Variants in CAST observed in about 807,000 individuals in gnomAD.
CAST encodes the protein MIR583 host.
Under a neutral mutation model 119.6 loss-of-function variants are expected in CAST, and 76 were observed. That is an observed-to-expected ratio of 0.64 (90% confidence interval 0.53 to 0.77). The LOEUF (loss-of-function observed/expected upper bound fraction) is 0.77, where lower values mean the gene tolerates loss of function less well. CAST is among the 30% of genes least tolerant of loss of function. The probability of loss-of-function intolerance (pLI) is 0.00; values close to 1 mark genes in which losing one functional copy is unlikely to be tolerated. For synonymous variants in CAST, 319 were observed against 331.6 expected, an observed-to-expected ratio of 0.96 and a Z score of 0.41; for missense variants, 953 against 946.5, an observed-to-expected ratio of 1.01 and a Z score of -0.09.
the CAST span, among the ~76,000 whole-genome samples, chr5:96,440,610 G>T: frequency 2.0e-5 from 3 of 152,022 alleles, no homozygotes; most frequent in Non-Finnish European, 4.4e-5. Flanking sequence ...GGGTGAGGGG[G>T]TCCGTTTAAG....
At chr5:96,539,945 T>C (rs1745882316) in intron 1 of CAST, among the ~76,000 whole-genome samples, 1 of 152,172 alleles carries the variant, frequency 6.6e-6, no homozygotes. Flanking sequence ...ATTATTTACA[T>C]GATTTTATTT....
chr5:96,642,468 A>G (rs1191017798), intron 1 of CAST, among the ~76,000 whole-genome samples: 2 of 152,284 alleles, frequency 1.3e-5, no homozygotes, highest in African/African-American at 4.8e-5. Context: ...AGAACTGTTT[A>G]AACACTTTGT....
At chr5:96,202,287 G>T in the CAST span, among the ~76,000 whole-genome samples, 42 of 151,806 alleles carry the variant, frequency 2.8e-4, 1 homozygote, top group Non-Finnish European at 1.5e-5. Context: ...ACATATAAAG[G>T]GTATGATAGA....
chr5:96,375,200 A>C, the CAST span, among the ~76,000 whole-genome samples: 40,318 of 152,056 alleles, frequency 0.27, 5,431 homozygotes, highest in South Asian at 0.32. Flanking sequence ...GGATGTGAAC[A>C]CAGAATAAAA....
the CAST span, among the ~76,000 whole-genome samples, chr5:96,258,654 G>C: frequency 6.6e-6 from 1 of 152,086 alleles, no homozygotes; most frequent in Non-Finnish European, 1.5e-5. Flanking sequence ...TGACATTTGG[G>C]TCCTACAGTT....
the CAST span, among the ~76,000 whole-genome samples, chr5:96,011,911 T>G: frequency 5.4e-4 from 83 of 152,298 alleles, no homozygotes; most frequent in Admixed American, 1.2e-3. Flanking sequence ...TATATTTAAC[T>G]ACACAAACCT....
intron 12 of CAST, 129 bp from the exon 13 acceptor site, chr5:96,740,616 T>G: frequency 1.4e-6 from 1 of 700,054 alleles, no homozygotes; most frequent in South Asian, 1.7e-5. Flanking sequence ...TTTGAGGTAC[T>G]GGGGTTAAGA....
intron 1 of CAST, among the ~76,000 whole-genome samples, chr5:96,548,664 G>A (rs537588231): frequency 6.6e-6 from 1 of 152,046 alleles, no homozygotes; most frequent in Non-Finnish European, 1.5e-5. Flanking sequence ...CCTACAAAGG[G>A]GGAACAACCC....
the CAST span, among the ~76,000 whole-genome samples, chr5:96,025,682 A>G: frequency 6.6e-6 from 1 of 152,336 alleles, no homozygotes; most frequent in East Asian, 1.9e-4. Context: ...TCTGTTAAAT[A>G]GAAAAACAAG....
chr5:96,257,759 G>C, the CAST span, among the ~76,000 whole-genome samples: 1 of 152,220 alleles, frequency 6.6e-6, no homozygotes, highest in Non-Finnish European at 1.5e-5. Flanking sequence ...CCTTTGGTCA[G>C]TTCTTTGTTC....
chr5:96,662,644 C>A (rs1748699467), intron 1 of CAST, 147 bp downstream of exon 1: 2 of 625,700 alleles, frequency 3.2e-6, no homozygotes, highest in Non-Finnish European at 4.0e-6. Context: ...AGGGGCTTGG[C>A]CGCTGCCAGG....
the CAST span, among the ~76,000 whole-genome samples, chr5:96,505,137 A>T: frequency 6.6e-6 from 1 of 152,214 alleles, no homozygotes; most frequent in Non-Finnish European, 1.5e-5. Flanking sequence ...GAACTGCTGG[A>T]TCAAATGGTT....
At chr5:96,640,789 T>A (rs2150203293) in intron 1 of CAST, among the ~76,000 whole-genome samples, 1 of 152,220 alleles carries the variant, frequency 6.6e-6, no homozygotes, top group Middle Eastern at 3.4e-3. Context: ...TGGGGAAGAA[T>A]CATGACGTTA....
At chr5:96,486,541 C>G in the CAST span, among the ~76,000 whole-genome samples, 8 of 152,258 alleles carry the variant, frequency 5.3e-5, no homozygotes, top group Non-Finnish European at 7.4e-5. Flanking sequence ...CCTTAGAACA[C>G]TAAGGTTTCA....
chr5:96,317,309 C>CAA, the CAST span, among the ~76,000 whole-genome samples: 3,828 of 103,952 alleles, frequency 0.037, 191 homozygotes, highest in African/African-American at 0.12. Context: ...ACCAAAAATA[C>CAA]AAAAAAAAAA....
At chr5:96,441,799 C>T in the CAST span, among the ~76,000 whole-genome samples, 4 of 152,080 alleles carry the variant, frequency 2.6e-5, no homozygotes, top group African/African-American at 9.7e-5. Context: ...ATTGCTACTC[C>T]ACCTTGCCCA....
the CAST span, among the ~76,000 whole-genome samples, chr5:96,333,432 C>T: frequency 1.3e-5 from 2 of 152,154 alleles, no homozygotes; most frequent in African/African-American, 4.8e-5. Flanking sequence ...TGGGAGGCCT[C>T]AGTTTCCTCC....
chr5:96,000,098 G>A, the CAST span, among the ~76,000 whole-genome samples: 1 of 151,480 alleles, frequency 6.6e-6, no homozygotes, highest in East Asian at 1.9e-4. Context: ...TTTTTGATTG[G>A]GTCATTTGTC....
chr5:96,300,603 TG>T, the CAST span, among the ~76,000 whole-genome samples: 1 of 152,032 alleles, frequency 6.6e-6, no homozygotes, highest in Non-Finnish European at 1.5e-5. Flanking sequence ...TCCATAGACA[TG>T]TTAGAATTTT....
Sources: allele counts gnomAD v4.1 joint callset (sites outside exome capture counted in the v4.1 genomes callset), GRCh38; gene constraint gnomAD v4.1.1; transcripts MANE v1.5; gene names NCBI Gene and HGNC (gene_info 2026-07-23, HGNC 2026-07-21).